ATXN10: variants seen among roughly 807,000 people sequenced by gnomAD.
The protein encoded by ATXN10 is ataxin 10, also known as ataxin-10.
Under a neutral mutation model 52.9 loss-of-function variants are expected in ATXN10, and 28 were observed. The observed-to-expected ratio is 0.53, with a 90% CI of 0.39 to 0.73. The LOEUF is 0.73. ATXN10 is among the 30% of genes least tolerant of loss of function. ATXN10 has a pLI of 0.00. For synonymous variants in ATXN10, 226 were observed against 221.5 expected (o/e 1.02, Z -0.18); for missense variants, 565 against 577.0 (o/e 0.98, Z 0.21).
At position 45,837,649 on chromosome 22, in the gene ATXN10, T is replaced by C. The variant is rs1394471176; in HGVS notation, c.1238-5342T>C. 6.6e-6 allele frequency among the ~76,000 whole-genome samples: 1 copy of C among 152,242 alleles called. No homozygotes were observed. The highest frequency in any genetic ancestry group is 2.4e-5 in the African/African-American group (1 of 41,466). On this transcript the variant is annotated intron_variant, in intron 10 of 11. Coordinates refer to ENST00000252934, the MANE Select transcript of ATXN10 (RefSeq NM_013236.4). This position sits in a 1 kb window ranked among gnomAD's most constrained non-coding sequence, Gnocchi z 5.8. ...CACACCTTTTCTGTGAAGGGCCACA[T>C]AGTAAATATTTTGGCTTTGTAGGCC...
At position 45,823,128 on chromosome 22, in the gene ATXN10, G is replaced by A. The variant is rs1164941122; in HGVS notation, c.1237+16106G>A. The stretch of plus-strand genomic sequence containing the variant: ...TTGACATAAGTACAGATGTATGTAC[G>A]CATCACCCAGATGGAAATACAGAAC... On this transcript the variant is annotated intron_variant, in intron 10 of 11. Transcript: ENST00000252934. The surrounding 1 kb of genome is among the most constrained non-coding windows in gnomAD (Gnocchi z 4.9). The A allele has an allele frequency of 8.5e-6, 4 of 471,454 alleles. No individual in the cohort carries two copies. The highest frequency in any genetic ancestry group is 2.4e-5 in the Admixed American group (1 of 42,534). 29.2% of individuals were successfully genotyped at this position (471,454 alleles called of 1,614,324 possible).
rs769516995 is a variant in ATXN10 at position 45,825,675 on chromosome 22, A to G, written c.1238-17316A>G. Among the ~76,000 whole-genome samples, 1 of 152,226 alleles carries G rather than the reference A, an allele frequency of 6.6e-6. No individual in the cohort carries two copies. The highest frequency in any genetic ancestry group is 2.1e-4 in the South Asian group (1 of 4,834). ...GAAAGTAGGCCCATTCAAGGGGGAAAAAATGAAACAAACAGAAACCATTCT... is the reference window on the plus strand; with the variant it reads ...GAAAGTAGGCCCATTCAAGGGGGAAGAAATGAAACAAACAGAAACCATTCT... On this transcript the variant is annotated intron_variant, in intron 10 of 11. Coordinates refer to ENST00000252934, the MANE Select transcript of ATXN10 (RefSeq NM_013236.4). This position sits in a 1 kb window ranked among gnomAD's most constrained non-coding sequence, Gnocchi z 4.5.
At chr22:45,676,482 T>C in intron 1 of ATXN10, 1 of 150,956 alleles carries the variant, frequency 6.6e-6, no homozygotes. Context: ...TATTTTTTAA[T>C]TTGTTTTTTT....
rs934466539 is a variant in ATXN10, at chr22:45,727,013, A to G, written c.729-2412A>G. On this transcript the variant is annotated intron_variant, in intron 6 of 11. Transcript: ENST00000252934. The surrounding 1 kb of genome is among the most constrained non-coding windows in gnomAD (Gnocchi z 4.6). Reference sequence around the variant, plus strand: ...TTCTGTTTCTCTAGTTCTTTGAGGTATGATGTTAGATTGTCAACTTGTGGT... The same window carrying G: ...TTCTGTTTCTCTAGTTCTTTGAGGTGTGATGTTAGATTGTCAACTTGTGGT... Among the ~76,000 whole-genome samples the G allele has an allele frequency of 6.6e-6, 1 of 151,564 alleles. No homozygotes were observed. Among genetic ancestry groups the G allele is most frequent in the Non-Finnish European group, 1.5e-5 (1 of 68,000 alleles).
chr22:45,689,199 A>T (rs1018223481), intron 1 of ATXN10, among the ~76,000 whole-genome samples: 1 of 152,178 alleles, frequency 6.6e-6, no homozygotes, highest in Non-Finnish European at 1.5e-5. Context: ...GTTTCTTATA[A>T]CTGAACTTAG....
At chr22:45,676,210 C>T (rs1922682649) in intron 1 of ATXN10, 1 of 151,036 alleles carries the variant, frequency 6.6e-6, no homozygotes, top group Non-Finnish European at 1.5e-5. Flanking sequence ...CCAGGCTGGT[C>T]TCGAACTCCT....
Position 45,843,600 on chromosome 22 carries a change from C to T in ATXN10, c.1426-69C>T, listed in dbSNP as rs1929418354. On this transcript the variant is annotated intron_variant, in intron 11 of 11. Coordinates refer to ENST00000252934, the MANE Select transcript of ATXN10 (RefSeq NM_013236.4). The surrounding 1 kb of genome is among the most constrained non-coding windows in gnomAD (Gnocchi z 4.5). ...CTGACCAAAGTTCTGGGTTTTTTCC[C>T]CTTTTGTCTGATGAATCTTGTGAAC... is the stretch of plus-strand genomic sequence containing the variant. The T allele has an allele frequency of 6.6e-7, 1 of 1,523,572 alleles. No homozygotes were observed. Among genetic ancestry groups the T allele is most frequent in the Non-Finnish European group, 9.1e-7 (1 of 1,102,082 alleles). 94.4% of individuals were successfully genotyped at this position (1,523,572 alleles called of 1,614,324 possible). A position where few individuals can be genotyped will look rare whatever the true frequency, so the allele number is the denominator to read the frequency against.
At chr22:45,753,374 C>T (rs1926056586) in intron 9 of ATXN10, among the ~76,000 whole-genome samples, 1 of 121,058 alleles carries the variant, frequency 8.3e-6, no homozygotes, top group African/African-American at 2.9e-5. Flanking sequence ...CACCTCTTAC[C>T]AGCTTTTTTT....
At position 45,819,965 on chromosome 22, in the gene ATXN10, A is replaced by T. The variant is rs768836406; in HGVS notation, c.1237+12943A>T. 1.3e-5 allele frequency among the ~76,000 whole-genome samples: 2 copies of T among 152,198 alleles called. No homozygotes were observed. The highest frequency in any genetic ancestry group is 2.9e-5 in the Non-Finnish European group (2 of 68,028). On this transcript the variant is annotated intron_variant, in intron 10 of 11. Transcript: ENST00000252934. The surrounding 1 kb of genome is among the most constrained non-coding windows in gnomAD (Gnocchi z 4.5). ...TAATTGTCAGGATTTTTGTCTAAAA[A>T]GACCTTAGTCACATTTAGCAGTGAC...
intron 8 of ATXN10, 32 bp downstream of exon 8, chr22:45,738,871 C>G: frequency 6.4e-7 from 1 of 1,550,768 alleles, no homozygotes; most frequent in Non-Finnish European, 8.9e-7. Flanking sequence ...GTATTTTTAG[C>G]TAAGAAATCT....
intron 6 of ATXN10, among the ~76,000 whole-genome samples, chr22:45,725,103 T>C (rs2146783379): frequency 6.6e-6 from 1 of 152,318 alleles, no homozygotes; most frequent in African/African-American, 2.4e-5. Flanking sequence ...GCCTTAGAAT[T>C]GTTCTTTTTG....
At position 45,816,433 on chromosome 22, in the gene ATXN10, TC is replaced by T. The variant is rs1342114589; in HGVS notation, c.1237+9414del. Among the ~76,000 whole-genome samples, 3 of 152,146 alleles carry T rather than the reference TC, an allele frequency of 2.0e-5. No individual in the cohort carries two copies. Among genetic ancestry groups the T allele is most frequent in the Non-Finnish European group, 4.4e-5 (3 of 68,020 alleles). ...TCTTCCTCTCAGAGTTCTTTCTAGATCCCTTCAGTGAGCTGAGTGCCTCCAT... is the reference window on the plus strand; with the variant it reads ...TCTTCCTCTCAGAGTTCTTTCTAGATCCTTCAGTGAGCTGAGTGCCTCCAT... On this transcript the variant is annotated intron_variant, in intron 10 of 11. Coordinates refer to ENST00000252934, the MANE Select transcript of ATXN10 (RefSeq NM_013236.4). The surrounding 1 kb of genome is among the most constrained non-coding windows in gnomAD (Gnocchi z 5.8).
chr22:45,746,585 G>A (rs1471726748), intron 9 of ATXN10, among the ~76,000 whole-genome samples: 1 of 152,046 alleles, frequency 6.6e-6, no homozygotes, highest in Non-Finnish European at 1.5e-5. Context: ...AAATAGGCCG[G>A]GGTGGCATGG....
Position 45,783,516 on chromosome 22 carries a change from GA to G in ATXN10, c.1174-23442del, listed in dbSNP as rs1352168573. 6.6e-6 allele frequency among the ~76,000 whole-genome samples: 1 copy of G among 152,206 alleles called. No individual in the cohort carries two copies. Among genetic ancestry groups the G allele is most frequent in the Non-Finnish European group, 1.5e-5 (1 of 68,040 alleles). ...AAGCTTGGCCTTCAGGGCTGCCCCT[GA>G]TTGGACCTGCCTGGCCGGCTCAGGT... On this transcript the variant is annotated intron_variant, in intron 9 of 11. Coordinates refer to ENST00000252934, the MANE Select transcript of ATXN10 (RefSeq NM_013236.4). This position sits in a 1 kb window ranked among gnomAD's most constrained non-coding sequence, Gnocchi z 5.0.
At position 45,681,323 on chromosome 22, in the gene ATXN10, C is replaced by G. The variant is rs554110532; in HGVS notation, c.117-8389C>G. ...TTGCCATACCTTACTTAGACTTTAT[C>G]CATAACTGTAGCTGCCTTCCCCCAC... On this transcript the variant is annotated intron_variant, in intron 1 of 11. Transcript: ENST00000252934. This position sits in a 1 kb window ranked among gnomAD's most constrained non-coding sequence, Gnocchi z 4.2. 4.6e-5 allele frequency among the ~76,000 whole-genome samples: 7 copies of G among 152,208 alleles called. No homozygotes were observed. Among genetic ancestry groups the G allele is most frequent in the African/African-American group, 9.6e-5 (4 of 41,542 alleles).
At chr22:45,765,223 A>G (rs987000784) in intron 9 of ATXN10, among the ~76,000 whole-genome samples, 1 of 152,006 alleles carries the variant, frequency 6.6e-6, no homozygotes. Context: ...GAAAGATTTG[A>G]CTTAGTGTGG....
At chr22:45,743,322 A>G (rs1925607692) in intron 9 of ATXN10, among the ~76,000 whole-genome samples, 1 of 152,182 alleles carries the variant, frequency 6.6e-6, no homozygotes, top group Non-Finnish European at 1.5e-5. Context: ...CCTCCTTCCA[A>G]AGACCGACAC....
rs1161893007 is a variant in ATXN10, at chr22:45,690,875, C to CAGGAT, written c.308+973_308+977dup. Among the ~76,000 whole-genome samples, 1 of 152,204 alleles carries CAGGAT rather than the reference C, an allele frequency of 6.6e-6. No individual in the cohort carries two copies. The highest frequency in any genetic ancestry group is 1.5e-5 in the Non-Finnish European group (1 of 68,030). On this transcript the variant is annotated intron_variant, in intron 2 of 11. Coordinates refer to ENST00000252934, the MANE Select transcript of ATXN10 (RefSeq NM_013236.4). The surrounding 1 kb of genome is among the most constrained non-coding windows in gnomAD (Gnocchi z 4.5). ...TTTACTTGAAGTCAGAAGCCACAAA[C>CAGGAT]AGGATGCTCACTTTCCTTCCTGGAC... is the stretch of plus-strand genomic sequence containing the variant.
In ATXN10 at chr22:45,766,009, T is replaced by C. The variant is rs1926569354; in HGVS notation, c.1173+25471T>C. Among the ~76,000 whole-genome samples, 1 of 152,188 alleles carries C rather than the reference T, an allele frequency of 6.6e-6. No individual in the cohort carries two copies. Among genetic ancestry groups the C allele is most frequent in the Admixed American group, 6.6e-5 (1 of 15,258 alleles). ...TTCCACTGTTCAAAACAACCTGGCATTGGCACGTGAAGGGGCTGACAGGCT... is the reference window on the plus strand; with the variant it reads ...TTCCACTGTTCAAAACAACCTGGCACTGGCACGTGAAGGGGCTGACAGGCT... On this transcript the variant is annotated intron_variant, in intron 9 of 11. Transcript: ENST00000252934. This position sits in a 1 kb window ranked among gnomAD's most constrained non-coding sequence, Gnocchi z 4.6.
Sources: allele counts gnomAD v4.1 joint callset (sites outside exome capture counted in the v4.1 genomes callset), GRCh38; gene constraint gnomAD v4.1.1; non-coding constraint Gnocchi (gnomAD v3.1); transcripts MANE v1.5; gene names NCBI Gene and HGNC (gene_info 2026-07-23, HGNC 2026-07-21).